ZRANB2: variants seen among roughly 807,000 people sequenced by gnomAD.
ZRANB2 encodes the protein zinc finger Ran-binding domain-containing protein 2.
In ZRANB2, 19 loss-of-function variants were observed where a neutral mutation model predicts 53.4. The observed-to-expected ratio is 0.36, with a 90% CI of 0.25 to 0.52. ZRANB2 has a LOEUF of 0.52. Among genes scored for constraint, ZRANB2 ranks in the 20% least tolerant of loss-of-function variants. ZRANB2 has a pLI of 0.93. For missense variants in ZRANB2, 309 were observed against 401.1 expected (o/e 0.77, Z 1.96); for synonymous variants, 145 against 134.8 (o/e 1.08, Z -0.52).
chr1:71,076,947 C>T (rs920033561), intron 3 of ZRANB2, 70 bp from the exon 4 acceptor site: 2 of 1,181,380 alleles, frequency 1.7e-6, no homozygotes, highest in Non-Finnish European at 2.4e-6. Context: ...AGATATTTTA[C>T]AATTTTAAAA....
Position 71,064,834 on chromosome 1 carries a change from A to C in ZRANB2, c.*240T>G. The C allele has an allele frequency of 5.7e-6, 2 of 353,122 alleles. No individual in the cohort carries two copies. The highest frequency in any genetic ancestry group is 6.4e-5 in the South Asian group (1 of 15,588). 21.9% of individuals were successfully genotyped at this position (353,122 alleles called of 1,614,324 possible). ...ACTTTGTTATAGCTGAAATGGTTTT[A>C]AATGAAGCAAATGGTTGTAAATAAT... On this transcript the variant is annotated 3_prime_UTR_variant, in exon 10 of 10. Coordinates refer to ENST00000370920, the MANE Select transcript of ZRANB2 (RefSeq NM_203350.3).
chr1:71,078,557 T>C lies in ZRANB2; in HGVS notation c.118A>G (p.Thr40Ala), dbSNP rs1661763277. ...SCNRCGREKTTEAKMMKAGGT... is the reference protein window; with the variant it reads ...SCNRCGREKTAEAKMMKAGGT... ...CCAGCTTTCATCATCTTGGCCTCAG[T>C]TGTTTTCTCTGAAAACAGAAAAATC... is the stretch of plus-strand genomic sequence containing the variant. The change falls in exon 3 of 10, where the codon ACT becomes GCT. Residue 40 changes from threonine (T) to alanine (A), a missense_variant. Thr to Ala is a moderately conservative substitution (Grantham distance 58). Transcript: ENST00000370920. 3.7e-6 allele frequency: 6 copies of C among 1,613,970 alleles called. No individual in the cohort carries two copies. The highest frequency in any genetic ancestry group is 5.1e-6 in the Non-Finnish European group (6 of 1,179,914).
At chr1:71,076,474 G>GC (rs1412478520) in intron 4 of ZRANB2, among the ~76,000 whole-genome samples, 1 of 152,120 alleles carries the variant, frequency 6.6e-6, no homozygotes, top group African/African-American at 2.4e-5. Context: ...GCTATCAAAA[G>GC]AATTTAAAAA....
chr1:71,068,097 T>A (rs1235070580), intron 8 of ZRANB2, among the ~76,000 whole-genome samples: 2 of 152,106 alleles, frequency 1.3e-5, no homozygotes, highest in African/African-American at 4.8e-5. Context: ...ACTCCTGGGC[T>A]CAAGCAGCCC....
intron 5 of ZRANB2, 64 bp downstream of exon 5, chr1:71,072,408 G>A: frequency 6.6e-7 from 1 of 1,512,328 alleles, no homozygotes; most frequent in Non-Finnish European, 9.0e-7. Flanking sequence ...GTTTTCCTTT[G>A]CATTTAAGAA....
intron 1 of ZRANB2, 58 bp downstream of exon 1, chr1:71,080,882 C>A: frequency 6.3e-7 from 1 of 1,588,800 alleles, no homozygotes; most frequent in Non-Finnish European, 8.6e-7. Flanking sequence ...GCCGGACGGA[C>A]CTCGGAAAGC....
chr1:71,076,990 T>C, intron 3 of ZRANB2, 113 bp from the exon 4 acceptor site: 2 of 799,094 alleles, frequency 2.5e-6, no homozygotes, highest in African/African-American at 1.8e-5. Context: ...GTCAAAGAAA[T>C]GTTTATTAAG....
rs370666425 is a variant in ZRANB2 at position 71,072,462 on chromosome 1, T to C, written c.378+10A>G. Reference sequence around the variant, plus strand: ...TTTATATTCAACCTGAACACCAAAATATAGCTTACCTCATCATATTCACCA... The same window carrying C: ...TTTATATTCAACCTGAACACCAAAACATAGCTTACCTCATCATATTCACCA... On this transcript the variant is annotated intron_variant, in intron 5 of 9. Coordinates refer to ENST00000370920, the MANE Select transcript of ZRANB2 (RefSeq NM_203350.3). 9 of 1,591,626 alleles carry C rather than the reference T, an allele frequency of 5.7e-6. No homozygotes were observed. The African/African-American group carries it at 6.8e-5, about 12-fold the overall frequency.
chr1:71,069,490 C>A (rs574162063), intron 7 of ZRANB2, 128 bp from the exon 8 acceptor site: 39 of 528,202 alleles, frequency 7.4e-5, no homozygotes, highest in Admixed American at 2.7e-4. Flanking sequence ...AAGATATATA[C>A]TTTCAAAACA....
intron 8 of ZRANB2, 79 bp downstream of exon 8, chr1:71,069,197 G>C (rs1223984919): frequency 8.5e-7 from 1 of 1,177,026 alleles, no homozygotes; most frequent in Non-Finnish European, 1.2e-6. Flanking sequence ...GCAAAATAAG[G>C]GGAAAAAAAG....
chr1:71,065,111 G>C lies in ZRANB2; in HGVS notation c.956C>G (p.Ser319Cys). The change falls in exon 10 of 10, where the codon TCC becomes TGC. Residue 319 changes from serine to cysteine, a missense_variant. This residue lies in a region of ZRANB2 where 211 missense variants were observed against 196.1 expected (regional missense o/e 1.08). Transcript: ENST00000370920. Reference sequence around the variant, plus strand: ...TGAACTTGAACGGGAACCAGAATGGGATGATCCAGATGATGACCTGTGGCG... The same window carrying C: ...TGAACTTGAACGGGAACCAGAATGGCATGATCCAGATGATGACCTGTGGCG... Reference protein sequence around the residue: ...ERRHRSSSGSSHSGSRSSSKK... With the variant: ...ERRHRSSSGSCHSGSRSSSKK... 3 of 1,611,582 alleles carry C rather than the reference G, an allele frequency of 1.9e-6. No homozygotes were observed. The highest frequency in any genetic ancestry group is 2.5e-6 in the Non-Finnish European group (3 of 1,178,452).
At position 71,069,327 on chromosome 1, in the gene ZRANB2, C is replaced by G. The variant is rs780249981; in HGVS notation, c.719G>C (p.Arg240Thr). 1 of 1,612,776 alleles carries G rather than the reference C, an allele frequency of 6.2e-7. No individual in the cohort carries two copies. The highest frequency in any genetic ancestry group is 1.7e-5 in the Admixed American group (1 of 59,850). ...ACGTTCTCTGGAACTGGAACGAGATCTTGACTGCGAACTGGAAGAACTTCT... is the reference window on the plus strand; with the variant it reads ...ACGTTCTCTGGAACTGGAACGAGATGTTGACTGCGAACTGGAAGAACTTCT... ...RSRSSSSSQS[R>T]SRSSSRERSR... The change falls in exon 8 of 10, where the codon AGA becomes ACA. Residue 240 changes from arginine to threonine, a missense_variant. By Grantham distance (71) the Arg-to-Thr change is moderately conservative (BLOSUM62 -1). This residue lies in a region of ZRANB2 where 211 missense variants were observed against 196.1 expected (regional missense o/e 1.08). Transcript: ENST00000370920.
At chr1:71,079,433 T>C (rs74090256) in intron 1 of ZRANB2, among the ~76,000 whole-genome samples, 17 of 152,292 alleles carry the variant, frequency 1.1e-4, no homozygotes, top group African/African-American at 3.8e-4. Flanking sequence ...GTATGTTAAA[T>C]GCTCTGGATA....
chr1:71,069,041 C>T (rs896842258), intron 8 of ZRANB2, among the ~76,000 whole-genome samples: 1 of 152,066 alleles, frequency 6.6e-6, no homozygotes, highest in Non-Finnish European at 1.5e-5. Flanking sequence ...AAATAATAAA[C>T]GCTGCATATT....
chr1:71,074,101 A>G (rs929522128), intron 4 of ZRANB2, among the ~76,000 whole-genome samples: 6 of 152,088 alleles, frequency 3.9e-5, no homozygotes, highest in Admixed American at 2.6e-4. Flanking sequence ...TGTTTAATCC[A>G]TTACTCAGGT....
chr1:71,064,978 C>A lies in ZRANB2; in HGVS notation c.*96G>T. The A allele has an allele frequency of 1.4e-6, 1 of 731,202 alleles. No homozygotes were observed. The highest frequency in any genetic ancestry group is 2.3e-6 in the Non-Finnish European group (1 of 438,380). 45.3% of individuals were successfully genotyped at this position (731,202 alleles called of 1,614,324 possible). On this transcript the variant is annotated 3_prime_UTR_variant, in exon 10 of 10. Coordinates refer to ENST00000370920, the MANE Select transcript of ZRANB2 (RefSeq NM_203350.3). The stretch of plus-strand genomic sequence containing the variant: ...AATGAAAGGCATGCACCTCTACTAG[C>A]AGATTTAGCACTTCTGACCAAGTAA...
chr1:71,072,649 A>C (rs965703289), intron 4 of ZRANB2, 101 bp from the exon 5 acceptor site: 5 of 802,878 alleles, frequency 6.2e-6, no homozygotes, highest in Non-Finnish European at 8.1e-6. Flanking sequence ...CTAATCAACA[A>C]TGGCTGCCTA....
At chr1:71,077,080 G>A (rs1405032290) in intron 3 of ZRANB2, among the ~76,000 whole-genome samples, 1 of 152,178 alleles carries the variant, frequency 6.6e-6, no homozygotes, top group Non-Finnish European at 1.5e-5. Context: ...CATTTAAGCA[G>A]AGAAGCAAAA....
rs181548907 is a variant in ZRANB2, at chr1:71,065,169, T to C, written c.930-32A>G. The C allele has an allele frequency of 3.2e-4, 497 of 1,535,482 alleles. 9 individuals carry two copies. The East Asian group carries it at 0.01, about 32-fold the overall frequency. On this transcript the variant is annotated intron_variant, in intron 9 of 9. Transcript: ENST00000370920. ...GACATAATGGAGAGAGTAGGCATTC[T>C]AGTAAGCTAGAGCTAAATCTCAGCA... is the stretch of plus-strand genomic sequence containing the variant.
Sources: allele counts gnomAD v4.1 joint callset (sites outside exome capture counted in the v4.1 genomes callset), GRCh38; gene constraint gnomAD v4.1.1; regional missense constraint gnomAD v4.1.1; transcripts MANE v1.5; gene names NCBI Gene and HGNC (gene_info 2026-07-23, HGNC 2026-07-21).